The following MAFK variants were observed in gnomAD, a reference collection of about 807,000 sequenced individuals.
MAFK encodes the protein MAF bZIP transcription factor K.
In MAFK, 1 loss-of-function variant was observed where a neutral mutation model predicts 9.2. That is an observed-to-expected ratio of 0.11 (90% CI 0.04 to 0.52). MAFK has a LOEUF of 0.52. Among genes scored for constraint, MAFK ranks in the 20% least tolerant of loss-of-function variants. The pLI is 0.94. For synonymous variants in MAFK, 110 were observed against 107.4 expected (o/e 1.02, Z -0.15); for missense variants, 207 against 236.0 (o/e 0.88, Z 0.81).
chr7:1,531,036 C>G (rs958477941), intron 1 of MAFK, 138 bp downstream of exon 1: 20 of 146,702 alleles, frequency 1.4e-4, no homozygotes, highest in African/African-American at 4.7e-4. Flanking sequence ...GCGCGGGGCC[C>G]GAGACCCTCA....
chr7:1,532,679 C>G lies in MAFK; in HGVS notation c.-45+1781C>G, dbSNP rs914698060. ...GGAGACCGTCTTCCGGGCCACTTCG[C>G]TGTCTACAAGGCGTGTGCTTTCACC... On this transcript the variant is annotated intron_variant, in intron 1 of 2. Transcript: ENST00000343242. The surrounding 1 kb of genome is among the most constrained non-coding windows in gnomAD (Gnocchi z 4.5). 3.9e-5 allele frequency among the ~76,000 whole-genome samples: 6 copies of G among 152,206 alleles called. No homozygotes were observed. The highest frequency in any genetic ancestry group is 1.3e-4 in the Admixed American group (2 of 15,282).
At position 1,539,985 on chromosome 7, in the gene MAFK, T is replaced by C. The variant is rs1562547289; in HGVS notation, c.81T>C (p.Asp27=). 1 of 1,553,484 alleles carries C rather than the reference T, an allele frequency of 6.4e-7. No individual in the cohort carries two copies. Residue 27 remains aspartate, a synonymous_variant, in exon 3 of 3, where the codon GAT becomes GAC. Transcript: ENST00000343242. ...AGENAPVLSD[D]ELVSMSVREL... ...AGAACGCCCCGGTGCTCAGCGATGA[T>C]GAGCTGGTGTCCATGTCGGTGCGGG...
chr7:1,535,476 G>A (rs1262544264), intron 1 of MAFK, among the ~76,000 whole-genome samples: 2 of 152,224 alleles, frequency 1.3e-5, no homozygotes, highest in African/African-American at 4.8e-5. Context: ...GCAACATGGT[G>A]AGACCCTGTC....
At chr7:1,538,239 T>A in intron 1 of MAFK, 2 of 983,900 alleles carry the variant, frequency 2.0e-6, no homozygotes, top group Non-Finnish European at 2.4e-6. Context: ...TGTGACACAA[T>A]GCAGACGTGA....
chr7:1,532,599 G>C lies in MAFK; in HGVS notation c.-45+1701G>C, dbSNP rs1057077227. 1.3e-5 allele frequency among the ~76,000 whole-genome samples: 2 copies of C among 152,208 alleles called. No homozygotes were observed. Among genetic ancestry groups the C allele is most frequent in the Non-Finnish European group, 2.9e-5 (2 of 68,042 alleles). Reference sequence around the variant, plus strand: ...AACCCGGGAGCCAGCGTTTACCGAGGGTCAGGGTTGTCGGGGCGCCAGCCT... The same window carrying C: ...AACCCGGGAGCCAGCGTTTACCGAGCGTCAGGGTTGTCGGGGCGCCAGCCT... On this transcript the variant is annotated intron_variant, in intron 1 of 2. Transcript: ENST00000343242. This position sits in a 1 kb window ranked among gnomAD's most constrained non-coding sequence, Gnocchi z 4.5.
In MAFK at chr7:1,541,040, A is replaced by C. The variant is rs1026007427; in HGVS notation, c.*665A>C. On this transcript the variant is annotated 3_prime_UTR_variant, in exon 3 of 3. Coordinates refer to ENST00000343242, the MANE Select transcript of MAFK (RefSeq NM_002360.4). ...GTGCACGCACGCCTGCCATCAAAGC[A>C]GCAGGGCTGAGGGGGTGCAGCTTGC... 1 of 153,334 alleles carries C rather than the reference A, an allele frequency of 6.5e-6. No homozygotes were observed. The highest frequency in any genetic ancestry group is 2.4e-5 in the African/African-American group (1 of 41,476). The allele number at this position is 153,334 out of a possible 1,614,324, so 9.5% of individuals were successfully genotyped here. A position where few individuals can be genotyped will look rare whatever the true frequency, so the allele number is the denominator to read the frequency against.
In MAFK at chr7:1,532,732, TTTA is replaced by T. The variant is rs1332690579; in HGVS notation, c.-45+1835_-45+1837del. 1.3e-5 allele frequency among the ~76,000 whole-genome samples: 2 copies of T among 152,178 alleles called. No homozygotes were observed. Among genetic ancestry groups the T allele is most frequent in the Non-Finnish European group, 2.9e-5 (2 of 68,026 alleles). On this transcript the variant is annotated intron_variant, in intron 1 of 2. Transcript: ENST00000343242. The surrounding 1 kb of genome is among the most constrained non-coding windows in gnomAD (Gnocchi z 4.5). ...CGGGGCTCAGCGATGGCTGCGTTTG[TTTA>T]CAGTCTCTGGCAAAGCTGTTTGCCA...
Position 1,540,691 on chromosome 7 carries a change from T to G in MAFK, c.*316T>G, listed in dbSNP as rs780953176. 3.0e-6 allele frequency: 1 copy of G among 335,484 alleles called. No homozygotes were observed. Among genetic ancestry groups the G allele is most frequent in the Non-Finnish European group, 5.5e-6 (1 of 182,192 alleles). 20.8% of individuals were successfully genotyped at this position (335,484 alleles called of 1,614,324 possible). A position where few individuals can be genotyped will look rare whatever the true frequency, so the allele number is the denominator to read the frequency against. On this transcript the variant is annotated 3_prime_UTR_variant, in exon 3 of 3. Coordinates refer to ENST00000343242, the MANE Select transcript of MAFK (RefSeq NM_002360.4). ...ATATAATGGAAAGGCCCTCGGGAAG[T>G]TCCGCGTCCTCTGTGGGGGCTGCCG...
Position 1,540,231 on chromosome 7 carries a change from C to G in MAFK, c.327C>G (p.Ser109=). 1.9e-6 allele frequency: 3 copies of G among 1,604,918 alleles called. No homozygotes were observed. The highest frequency in any genetic ancestry group is 8.5e-7 in the Non-Finnish European group (1 of 1,176,644). The change falls in exon 3 of 3, where the codon TCC becomes TCG. Residue 109 remains serine, a synonymous_variant. Coordinates refer to ENST00000343242, the MANE Select transcript of MAFK (RefSeq NM_002360.4). ...GGCTGGAGCTGGACGCCCTGCGCTCCAAGTACGAGGCGCTGCAGACCTTCG... is the reference window on the plus strand; with the variant it reads ...GGCTGGAGCTGGACGCCCTGCGCTCGAAGTACGAGGCGCTGCAGACCTTCG... ...SMRLELDALR[S]KYEALQTFAR...
rs1783922184 is a variant in MAFK at position 1,532,209 on chromosome 7, A to T, written c.-45+1311A>T. 6.6e-6 allele frequency among the ~76,000 whole-genome samples: 1 copy of T among 152,220 alleles called. No individual in the cohort carries two copies. Among genetic ancestry groups the T allele is most frequent in the Non-Finnish European group, 1.5e-5 (1 of 68,040 alleles). On this transcript the variant is annotated intron_variant, in intron 1 of 2. Transcript: ENST00000343242. This position sits in a 1 kb window ranked among gnomAD's most constrained non-coding sequence, Gnocchi z 4.5. ...GTTGTTGTAAGGGGTTCTCCAACACAGAGTGGGGTGCCCTATGCAGCTTCT... is the reference window on the plus strand; with the variant it reads ...GTTGTTGTAAGGGGTTCTCCAACACTGAGTGGGGTGCCCTATGCAGCTTCT...
Position 1,532,637 on chromosome 7 carries a change from G to C in MAFK, c.-45+1739G>C, listed in dbSNP as rs994590269. Among the ~76,000 whole-genome samples, 30 of 152,172 alleles carry C rather than the reference G, an allele frequency of 2.0e-4. No homozygotes were observed. Among genetic ancestry groups the C allele is most frequent in the African/African-American group, 7.2e-4 (30 of 41,430 alleles). On this transcript the variant is annotated intron_variant, in intron 1 of 2. Coordinates refer to ENST00000343242, the MANE Select transcript of MAFK (RefSeq NM_002360.4). This position sits in a 1 kb window ranked among gnomAD's most constrained non-coding sequence, Gnocchi z 4.5. The stretch of plus-strand genomic sequence containing the variant: ...GGGGCGCCAGCCTTTGTGTGCACCC[G>C]GGAGGCTGCTGTTAAGGGAGACCGT...
At chr7:1,531,149 C>T (rs1229456854) in intron 1 of MAFK, among the ~76,000 whole-genome samples, 1 of 149,152 alleles carries the variant, frequency 6.7e-6, no homozygotes, top group Non-Finnish European at 1.5e-5. Context: ...ACGTGCCGCC[C>T]GGGCCATGCT....
chr7:1,534,905 C>CT lies in MAFK; in HGVS notation c.-45+4018dup, dbSNP rs1158014093. Among the ~76,000 whole-genome samples the CT allele has an allele frequency of 1.6e-3, 232 of 147,628 alleles. 3 individuals carry two copies. The highest frequency in any genetic ancestry group is 3.6e-3 in the Middle Eastern group (1 of 280). ...TGCTCAACTCACTTTTGCACTCTCT[C>CT]TTTTTTTTTTTCCTAAAAGATAAGG... On this transcript the variant is annotated intron_variant, in intron 1 of 2. Transcript: ENST00000343242. This position sits in a 1 kb window ranked among gnomAD's most constrained non-coding sequence, Gnocchi z 4.3.
chr7:1,539,993 T>C lies in MAFK; in HGVS notation c.89T>C (p.Val30Ala), dbSNP rs1018964478. The stretch of plus-strand genomic sequence containing the variant: ...CCGGTGCTCAGCGATGATGAGCTGG[T>C]GTCCATGTCGGTGCGGGAGCTGAAC... ...NAPVLSDDEL[V>A]SMSVRELNQH... The change falls in exon 3 of 3, where the codon GTG becomes GCG. Residue 30 changes from valine (V) to alanine (A), a missense_variant. Transcript: ENST00000343242. The C allele has an allele frequency of 1.2e-5, 19 of 1,555,802 alleles. No homozygotes were observed. In the African/African-American group the frequency reaches 1.9e-4, roughly 16 times the overall value.
In MAFK at chr7:1,532,605, G is replaced by T. The variant is rs1254917598; in HGVS notation, c.-45+1707G>T. Among the ~76,000 whole-genome samples, 1 of 152,206 alleles carries T rather than the reference G, an allele frequency of 6.6e-6. No individual in the cohort carries two copies. The highest frequency in any genetic ancestry group is 1.9e-4 in the East Asian group (1 of 5,196). On this transcript the variant is annotated intron_variant, in intron 1 of 2. Coordinates refer to ENST00000343242, the MANE Select transcript of MAFK (RefSeq NM_002360.4). This position sits in a 1 kb window ranked among gnomAD's most constrained non-coding sequence, Gnocchi z 4.5. The stretch of plus-strand genomic sequence containing the variant: ...GGAGCCAGCGTTTACCGAGGGTCAG[G>T]GTTGTCGGGGCGCCAGCCTTTGTGT...
chr7:1,538,166 G>A, intron 1 of MAFK: 4 of 630,768 alleles, frequency 6.3e-6, no homozygotes, highest in Non-Finnish European at 7.9e-6. Context: ...GGTCGCCATG[G>A]CAACTATCGG....
At chr7:1,538,219 G>T in intron 1 of MAFK, 1 of 969,858 alleles carries the variant, frequency 1.0e-6, no homozygotes, top group Non-Finnish European at 1.2e-6. Flanking sequence ...TTTCATGAAT[G>T]ATTAGAATGT....
chr7:1,535,257 C>G (rs1010300684), intron 1 of MAFK, among the ~76,000 whole-genome samples: 3 of 152,146 alleles, frequency 2.0e-5, no homozygotes, highest in Non-Finnish European at 4.4e-5. Flanking sequence ...CAAAGCAGGT[C>G]CTTCTCAGCT....
In MAFK at chr7:1,542,584, A is replaced by G. The variant is rs1784220836; in HGVS notation, c.*2209A>G. 1 of 152,230 alleles carries G rather than the reference A, an allele frequency of 6.6e-6. No individual in the cohort carries two copies. Among genetic ancestry groups the G allele is most frequent in the African/African-American group, 2.4e-5 (1 of 41,462 alleles). The allele number at this position is 152,230 out of a possible 1,614,324, so 9.4% of individuals were successfully genotyped here. ...CCCCAGGGTGGACGGAGCCGCTGTC[A>G]CCGCCCAGAGCTGGGCCGGGGAAGC... On this transcript the variant is annotated 3_prime_UTR_variant, in exon 3 of 3. Transcript: ENST00000343242.
Sources: allele counts gnomAD v4.1 joint callset (sites outside exome capture counted in the v4.1 genomes callset), GRCh38; gene constraint gnomAD v4.1.1; non-coding constraint Gnocchi (gnomAD v3.1); transcripts MANE v1.5; gene names NCBI Gene and HGNC (gene_info 2026-07-23, HGNC 2026-07-21).